The following RAB21 variants were observed in gnomAD, a reference collection of about 807,000 sequenced individuals.
RAB21 encodes ras-related protein Rab-21.
A neutral mutation model predicts 33.1 loss-of-function variants in RAB21; 13 were observed. The ratio of observed to expected loss-of-function variants is 0.39; its 90% confidence interval spans 0.26 to 0.62. The LOEUF (loss-of-function observed/expected upper bound fraction) is 0.62, where lower values mean the gene tolerates loss of function less well. Among genes scored for constraint, RAB21 ranks in the 20% least tolerant of loss-of-function variants. RAB21 has a pLI of 0.48. For synonymous variants in RAB21, 91 were observed against 103.7 expected, an observed-to-expected ratio of 0.88 and a Z score of 0.74; for missense variants, 234 against 279.1, an observed-to-expected ratio of 0.84 and a Z score of 1.15.
intron 6 of RAB21, among the ~76,000 whole-genome samples, chr12:71,783,787 C>T (rs1220689811): frequency 6.6e-6 from 1 of 152,100 alleles, no homozygotes; most frequent in East Asian, 1.9e-4. Context: ...AGATTGAGGT[C>T]CTCATTTCTA....
Position 71,755,053 on chromosome 12 carries a change from C to G in RAB21, c.-77C>G. The G allele has an allele frequency of 8.8e-6, 9 of 1,017,470 alleles. No individual in the cohort carries two copies. The highest frequency in any genetic ancestry group is 1.1e-5 in the Non-Finnish European group (9 of 851,896). The allele number at this position is 1,017,470 out of a possible 1,614,324, so 63.0% of individuals were successfully genotyped here. ...CCGGGGCGGTGGGGGCTGAGCCGGC[C>G]GTGGCTGTGAAGGCGCTGCCGCGGC... On this transcript the variant is annotated 5_prime_UTR_variant, in exon 1 of 7. Transcript: ENST00000261263.
At chr12:71,775,717 A>G (rs1404122658) in intron 4 of RAB21, among the ~76,000 whole-genome samples, 2 of 151,994 alleles carry the variant, frequency 1.3e-5, no homozygotes, top group Non-Finnish European at 2.9e-5. Flanking sequence ...TTGTATTTTT[A>G]GTAGAGACAG....
At chr12:71,783,226 T>A (rs1592650463) in intron 6 of RAB21, among the ~76,000 whole-genome samples, 2 of 152,148 alleles carry the variant, frequency 1.3e-5, no homozygotes, top group East Asian at 3.9e-4. Context: ...TTCATGAAAT[T>A]GGGTGATGGA....
At chr12:71,760,394 G>C (rs868810155) in intron 1 of RAB21, among the ~76,000 whole-genome samples, 28 of 152,238 alleles carry the variant, frequency 1.8e-4, no homozygotes, top group African/African-American at 6.5e-4. Flanking sequence ...CCAAGCTCTC[G>C]TGTGATTTCC....
intron 4 of RAB21, among the ~76,000 whole-genome samples, chr12:71,775,233 A>G (rs1883102699): frequency 6.6e-6 from 1 of 152,220 alleles, no homozygotes; most frequent in African/African-American, 2.4e-5. Flanking sequence ...ACATTATCTC[A>G]TGTAATCCTC....
At chr12:71,777,728 A>G (rs551974215) in intron 4 of RAB21, among the ~76,000 whole-genome samples, 1 of 152,242 alleles carries the variant, frequency 6.6e-6, no homozygotes, top group South Asian at 2.1e-4. Flanking sequence ...CTGTTTTTTT[A>G]TGTGGCCTAC....
chr12:71,780,944 G>A (rs1281883591), intron 4 of RAB21, among the ~76,000 whole-genome samples: 18 of 151,902 alleles, frequency 1.2e-4, no homozygotes, highest in Admixed American at 1.2e-3. Flanking sequence ...TTTCCTTATC[G>A]TTATCTACTG....
intron 1 of RAB21, among the ~76,000 whole-genome samples, chr12:71,767,708 G>T (rs982775329): frequency 3.3e-5 from 5 of 152,154 alleles, no homozygotes; most frequent in Admixed American, 6.5e-5. Flanking sequence ...ATATTTCCAA[G>T]TTTCTAAACT....
chr12:71,791,706 T>G lies in RAB21; in HGVS notation c.*6033T>G, dbSNP rs1883387367. The G allele has an allele frequency of 6.6e-6, 1 of 152,198 alleles. No individual in the cohort carries two copies. The highest frequency in any genetic ancestry group is 1.5e-5 in the Non-Finnish European group (1 of 68,028). The allele number at this position is 152,198 out of a possible 1,614,324, so 9.4% of individuals were successfully genotyped here. A position where few individuals can be genotyped will look rare whatever the true frequency, so the allele number is the denominator to read the frequency against. ...ATCATCCCACATCCCTTTTTAGAGG[T>G]AACCATTGTTAACAGTTTGGTTTGT... On this transcript the variant is annotated 3_prime_UTR_variant, in exon 7 of 7. Transcript: ENST00000261263.
chr12:71,782,776 G>A (rs1298640910), intron 6 of RAB21, 118 bp downstream of exon 6: 29 of 650,842 alleles, frequency 4.5e-5, no homozygotes, highest in Non-Finnish European at 6.0e-5. Flanking sequence ...TTAAACTATT[G>A]ACTATTGGTA....
At chr12:71,769,199 C>T (rs1442759703) in intron 1 of RAB21, among the ~76,000 whole-genome samples, 2 of 152,148 alleles carry the variant, frequency 1.3e-5, no homozygotes, top group Non-Finnish European at 2.9e-5. Context: ...CTTCCTTTCT[C>T]AGTACTATCT....
In RAB21 at chr12:71,785,532, G is replaced by C. The variant is rs1883271426; in HGVS notation, c.537G>C (p.Arg179Ser). The C allele has an allele frequency of 2.5e-6, 4 of 1,613,854 alleles. No individual in the cohort carries two copies. Among genetic ancestry groups the C allele is most frequent in the South Asian group, 1.1e-5 (1 of 91,044 alleles). Residue 179 changes from arginine to serine, a missense_variant and splice_region_variant, in exon 7 of 7, where the codon AGG (arginine) becomes AGC (serine). Coordinates refer to ENST00000261263, the MANE Select transcript of RAB21 (RefSeq NM_014999.4). ...IEELFLDLCK[R>S]MIETAQVDER... ...ATGTTTGCTTTCTCTCTGTCTTAGG[G>C]ATGATAGAAACAGCACAAGTGGATG... is the stretch of plus-strand genomic sequence containing the variant.
intron 4 of RAB21, among the ~76,000 whole-genome samples, chr12:71,780,763 TA>T (rs1883185876): frequency 6.6e-6 from 1 of 152,216 alleles, no homozygotes; most frequent in African/African-American, 2.4e-5. Flanking sequence ...TTTTATCTTT[TA>T]TTGGGTGCTT....
intron 6 of RAB21, among the ~76,000 whole-genome samples, chr12:71,783,418 G>GT (rs1277008556): frequency 5.3e-5 from 8 of 151,378 alleles, no homozygotes; most frequent in Admixed American, 3.9e-4. Context: ...TGAAATCATG[G>GT]TTTTTCTCTC....
chr12:71,780,906 T>C (rs1592649534), intron 4 of RAB21, among the ~76,000 whole-genome samples: 1 of 152,214 alleles, frequency 6.6e-6, no homozygotes, highest in African/African-American at 2.4e-5. Flanking sequence ...TAAAAATGTT[T>C]GTTTGAAGTG....
At chr12:71,768,490 T>G (rs1398863951) in intron 1 of RAB21, among the ~76,000 whole-genome samples, 1 of 152,182 alleles carries the variant, frequency 6.6e-6, no homozygotes, top group Non-Finnish European at 1.5e-5. Flanking sequence ...TCTGGATATA[T>G]TTTGTCTTCA....
chr12:71,759,576 A>G (rs1280179588), intron 1 of RAB21, among the ~76,000 whole-genome samples: 3 of 152,238 alleles, frequency 2.0e-5, no homozygotes, highest in Non-Finnish European at 4.4e-5. Flanking sequence ...ATACATATTA[A>G]TGATAATGGA....
At position 71,792,288 on chromosome 12, in the gene RAB21, G is replaced by C. The variant is rs979926048; in HGVS notation, c.*6615G>C. On this transcript the variant is annotated 3_prime_UTR_variant, in exon 7 of 7. Transcript: ENST00000261263. ...TACCATACATCAAGCTTAAAAACTT[G>C]TAGCGTTCTGGGAAAGTCAAGTCAA... 10 of 152,196 alleles carry C rather than the reference G, an allele frequency of 6.6e-5. No homozygotes were observed. The highest frequency in any genetic ancestry group is 1.5e-4 in the Non-Finnish European group (10 of 68,032). 9.4% of individuals were successfully genotyped at this position (152,196 alleles called of 1,614,324 possible).
At chr12:71,759,324 G>T (rs1882835735) in intron 1 of RAB21, among the ~76,000 whole-genome samples, 2 of 152,214 alleles carry the variant, frequency 1.3e-5, no homozygotes, top group Admixed American at 1.3e-4. Context: ...TCATCTGAAA[G>T]TTAGGTAAGA....
Sources: gnomAD v4.1 joint callset for allele counts (sites outside exome capture counted in the v4.1 genomes callset) on GRCh38, gnomAD v4.1.1 for gene constraint, MANE v1.5 for transcripts, NCBI Gene and HGNC (gene_info 2026-07-23, HGNC 2026-07-21) for gene names.